The following GJA5 variants were observed in gnomAD, a reference collection of about 807,000 sequenced individuals.
GJA5 encodes the protein gap junction alpha-5 protein.
A neutral mutation model predicts 7.9 loss-of-function variants in GJA5; 3 were observed. The ratio of observed to expected loss-of-function variants is 0.38; its 90% CI spans 0.17 to 0.99. The LOEUF (loss-of-function observed/expected upper bound fraction) is 0.99. Ranked by LOEUF, GJA5 falls within the 50% of genes least tolerant of loss-of-function variation. The pLI, the probability that GJA5 is intolerant of heterozygous loss-of-function variation, is 0.38. For missense variants in GJA5, 390 were observed against 457.9 expected (o/e 0.85, Z 1.35); for synonymous variants, 193 against 181.0 (o/e 1.07, Z -0.53).
chr1:147,759,606 T>C (rs1157857676), intron 1 of GJA5, among the ~76,000 whole-genome samples: 1 of 152,212 alleles, frequency 6.6e-6, no homozygotes, highest in Non-Finnish European at 1.5e-5. Context: ...CCCAGGAATC[T>C]GGATTTACAA....
chr1:147,766,210 T>G (rs1553228173), intron 1 of GJA5, among the ~76,000 whole-genome samples: 1 of 152,112 alleles, frequency 6.6e-6, no homozygotes, highest in Non-Finnish European at 1.5e-5. Context: ...CAAACTGCTT[T>G]TCTGTTCATC....
Position 147,758,200 on chromosome 1 carries a change from C to A in GJA5, c.1039G>T (p.Ala347Ser). The A allele has an allele frequency of 1.2e-6, 2 of 1,614,076 alleles. No individual in the cohort carries two copies. Among genetic ancestry groups the A allele is most frequent in the Non-Finnish European group, 8.5e-7 (1 of 1,179,964 alleles). Residue 347 changes from alanine to serine, a missense_variant, in exon 2 of 2, where the codon GCC becomes TCC. Physicochemically the swap from Ala to Ser is moderately conservative, Grantham distance 99 (BLOSUM62 1). This residue lies in a region of GJA5 where 354 missense variants were observed against 370.9 expected (regional missense o/e 0.95). Transcript: ENST00000579774. The stretch of plus-strand genomic sequence containing the variant: ...TCATCTGACCTTGCCTTGCTGCTGG[C>A]CTTACTAAGACGTCGCTTGTCACTA... ...YHSDKRRLSK[A>S]SSKARSDDLS...
intron 1 of GJA5, among the ~76,000 whole-genome samples, chr1:147,771,366 C>T (rs929724165): frequency 2.0e-5 from 3 of 152,080 alleles, no homozygotes; most frequent in East Asian, 1.9e-4. Flanking sequence ...GAAGAGCCCT[C>T]GGTATGAGTG....
upstream of GJA5, among the ~76,000 whole-genome samples, chr1:147,765,231 T>C (rs977434839): frequency 3.3e-5 from 5 of 152,230 alleles, no homozygotes; most frequent in Non-Finnish European, 4.4e-5. Flanking sequence ...AGACATTCAA[T>C]TTTTATTGTT....
intron 1 of GJA5, among the ~76,000 whole-genome samples, chr1:147,768,652 G>A (rs587680699): frequency 6.6e-6 from 1 of 152,156 alleles, no homozygotes; most frequent in Non-Finnish European, 1.5e-5. Context: ...AGATGACAAG[G>A]GTCCAAGGAA....
At chr1:147,763,072 T>C (rs1553227624), upstream of GJA5, among the ~76,000 whole-genome samples, 1 of 152,198 alleles carries the variant, frequency 6.6e-6, no homozygotes, top group East Asian at 1.9e-4. Context: ...ATTTTTCCAC[T>C]TTTCCACTCA....
chr1:147,758,361 G>A lies in GJA5; in HGVS notation c.878C>T (p.Thr293Ile), dbSNP rs1332716726. Reference sequence around the variant, plus strand: ...TACTTGCTCGGTGACCAGGTTGTCTGTGTTTTGTTGGGAGGCCATATTATT... The same window carrying A: ...TACTTGCTCGGTGACCAGGTTGTCTATGTTTTGTTGGGAGGCCATATTATT... ...FSNNMASQQNTDNLVTEQVRG... is the reference protein window; with the variant it reads ...FSNNMASQQNIDNLVTEQVRG... The change falls in exon 2 of 2, where the codon ACA (threonine) becomes ATA (isoleucine). Residue 293 changes from threonine to isoleucine, a missense_variant. Thr to Ile is a moderately conservative substitution (Grantham distance 89, BLOSUM62 -1). Coordinates refer to ENST00000579774, the MANE Select transcript of GJA5 (RefSeq NM_181703.4). 1 of 1,614,168 alleles carries A rather than the reference G, an allele frequency of 6.2e-7. No individual in the cohort carries two copies. Among genetic ancestry groups the A allele is most frequent in the South Asian group, 1.1e-5 (1 of 91,084 alleles).
At chr1:147,761,520 G>A (rs1553227418), upstream of GJA5, among the ~76,000 whole-genome samples, 1 of 152,198 alleles carries the variant, frequency 6.6e-6, no homozygotes. Context: ...GAGTTCCTGA[G>A]TGAGCGGAAA....
Position 147,757,867 on chromosome 1 carries a change from C to A in GJA5, c.*295G>T, listed in dbSNP as rs375048257. ...CCTCTGGCTATCCCTTCCAGGCCAG[C>A]TTTTGCCATGCTTCCCTTCTTTCCC... On this transcript the variant is annotated 3_prime_UTR_variant, in exon 2 of 2. Coordinates refer to ENST00000579774, the MANE Select transcript of GJA5 (RefSeq NM_181703.4). 6 of 444,550 alleles carry A rather than the reference C, an allele frequency of 1.3e-5. No homozygotes were observed. The highest frequency in any genetic ancestry group is 8.3e-6 in the Non-Finnish European group (2 of 241,480). The allele number at this position is 444,550 out of a possible 1,614,324, so 27.5% of individuals were successfully genotyped here.
At chr1:147,769,621 T>C (rs782737645) in intron 1 of GJA5, among the ~76,000 whole-genome samples, 7 of 152,172 alleles carry the variant, frequency 4.6e-5, no homozygotes, top group Non-Finnish European at 8.8e-5. Flanking sequence ...CAGAATCTGA[T>C]AGTGCTTCAG....
chr1:147,772,789 G>GGAA (rs377217758), intron 1 of GJA5, among the ~76,000 whole-genome samples: 75 of 125,926 alleles, frequency 6.0e-4, no homozygotes, highest in Admixed American at 8.5e-4. Context: ...GCCTTAGGGA[G>GGAA]AAAAAAAAAA....
chr1:147,763,783 TCAGGCA>T (rs1664102856), upstream of GJA5, among the ~76,000 whole-genome samples: 1 of 150,382 alleles, frequency 6.6e-6, no homozygotes, highest in African/African-American at 2.5e-5. Context: ...GAAATAAAGC[TCAGGCA>T]CCTACATTCT....
chr1:147,770,477 T>C (rs1359672857), intron 1 of GJA5, among the ~76,000 whole-genome samples: 1 of 152,158 alleles, frequency 6.6e-6, no homozygotes, highest in Non-Finnish European at 1.5e-5. Flanking sequence ...CAATACCTCC[T>C]TGGAATTATA....
intron 1 of GJA5, among the ~76,000 whole-genome samples, chr1:147,768,539 C>T (rs1400711971): frequency 6.6e-6 from 1 of 152,088 alleles, no homozygotes; most frequent in Non-Finnish European, 1.5e-5. Context: ...AATTATAATA[C>T]CCACATTTCT....
intron 1 of GJA5, among the ~76,000 whole-genome samples, chr1:147,759,850 G>A (rs1324005201): frequency 6.6e-6 from 1 of 152,186 alleles, no homozygotes; most frequent in Non-Finnish European, 1.5e-5. Context: ...TGTTCCAAAT[G>A]TTTAAATGGC....
chr1:147,769,118 C>T (rs1664310843), intron 1 of GJA5, among the ~76,000 whole-genome samples: 1 of 152,212 alleles, frequency 6.6e-6, no homozygotes, highest in Non-Finnish European at 1.5e-5. Context: ...ACATTGGGGC[C>T]CTCAGCCCAC....
chr1:147,766,136 T>C (rs1468541397), intron 1 of GJA5, among the ~76,000 whole-genome samples: 2 of 152,134 alleles, frequency 1.3e-5, no homozygotes, highest in Non-Finnish European at 2.9e-5. Context: ...CTCACACACC[T>C]GAGAATTAGT....
rs781825406 is a variant in GJA5 at position 147,758,404 on chromosome 1, A to T, written c.835T>A (p.Phe279Ile). ...QCLENGPGGK[F>I]FNPFSNNMAS... is the part of the protein sequence containing the mutation. ...ATATTATTGCTGAAGGGATTGAAGAATTTTCCCCCAGGGCCATTCTCCAGG... is the reference window on the plus strand; with the variant it reads ...ATATTATTGCTGAAGGGATTGAAGATTTTTCCCCCAGGGCCATTCTCCAGG... The change falls in exon 2 of 2, where the codon TTC becomes ATC. Residue 279 changes from phenylalanine (F) to isoleucine (I), a missense_variant. Coordinates refer to ENST00000579774, the MANE Select transcript of GJA5 (RefSeq NM_181703.4). 1 of 1,613,972 alleles carries T rather than the reference A, an allele frequency of 6.2e-7. No homozygotes were observed. Among genetic ancestry groups the T allele is most frequent in the South Asian group, 1.1e-5 (1 of 91,084 alleles).
Position 147,758,138 on chromosome 1 carries a change from T to C in GJA5, c.*24A>G, listed in dbSNP as rs201858680. ...CTGAGCCTCCTTTGTTCCCACCTGG[T>C]CCTGATCCTCCCATAAAGGAGGGTC... On this transcript the variant is annotated 3_prime_UTR_variant, in exon 2 of 2. Transcript: ENST00000579774. 3.4e-6 allele frequency: 5 copies of C among 1,479,162 alleles called. No homozygotes were observed. Among genetic ancestry groups the C allele is most frequent in the Non-Finnish European group, 4.7e-6 (5 of 1,056,660 alleles). The allele number at this position is 1,479,162 out of a possible 1,614,324, so 91.6% of individuals were successfully genotyped here. A position where few individuals can be genotyped will look rare whatever the true frequency, so the allele number is the denominator to read the frequency against.
Sources: allele counts gnomAD v4.1 joint callset (sites outside exome capture counted in the v4.1 genomes callset), GRCh38; gene constraint gnomAD v4.1.1; regional missense constraint gnomAD v4.1.1; transcripts MANE v1.5; gene names NCBI Gene and HGNC (gene_info 2026-07-23, HGNC 2026-07-21).